Variants in ATP10B observed in about 807,000 individuals in gnomAD.
ATP10B encodes ATPase phospholipid transporting 10B (putative), also known as phospholipid-transporting ATPase VB.
A neutral mutation model predicts 141.2 loss-of-function variants in ATP10B; 122 were observed. The ratio of observed to expected loss-of-function variants is 0.86; its 90% confidence interval spans 0.75 to 1.00. The LOEUF (loss-of-function observed/expected upper bound fraction) is 1.00, where lower values mean the gene tolerates loss of function less well. Among genes scored for constraint, ATP10B ranks in the 50% least tolerant of loss-of-function variants. ATP10B has a pLI of 0.00. For synonymous variants in ATP10B, 685 were observed against 692.0 expected, an observed-to-expected ratio of 0.99 and a Z score of 0.16; for missense variants, 1,876 against 1,825.3, an observed-to-expected ratio of 1.03 and a Z score of -0.51.
At chr5:160,870,551 C>T in the ATP10B span, among the ~76,000 whole-genome samples, 2 of 151,982 alleles carry the variant, frequency 1.3e-5, 1 homozygote, top group South Asian at 4.1e-4. Context: ...AAACTAAAAA[C>T]TTCAGAGCAG....
intron 6 of ATP10B, among the ~76,000 whole-genome samples, chr5:160,680,653 C>A (rs555804446): frequency 6.7e-6 from 1 of 150,226 alleles, no homozygotes; most frequent in Non-Finnish European, 1.5e-5. Context: ...CTGCTGGAAA[C>A]TATCTTATTT....
chr5:160,732,612 A>G (rs1766824825), intron 2 of ATP10B, among the ~76,000 whole-genome samples: 1 of 152,102 alleles, frequency 6.6e-6, no homozygotes, highest in South Asian at 2.1e-4. Flanking sequence ...GGTTGTAAAT[A>G]TGCTGATTTA....
rs1162763146 is a variant in ATP10B, at chr5:160,685,344, C to A, written c.470+735G>T. On this transcript the variant is annotated intron_variant, in intron 6 of 25. Coordinates refer to ENST00000327245, the MANE Select transcript of ATP10B (RefSeq NM_025153.3). ...TAAAAATGAAAAGCCAGGCTGCAAA[C>A]CCCAGGGGAGAAACATGACAAGGAA... 7.0e-6 allele frequency: 4 copies of A among 568,916 alleles called. No individual in the cohort carries two copies. The South Asian group carries it at 9.6e-5, about 14-fold the overall frequency. 35.2% of individuals were successfully genotyped at this position (568,916 alleles called of 1,614,324 possible). A position where few individuals can be genotyped will look rare whatever the true frequency, so the allele number is the denominator to read the frequency against.
intron 17 of ATP10B, among the ~76,000 whole-genome samples, chr5:160,615,243 C>G (rs76588833): frequency 3.9e-5 from 6 of 152,202 alleles, no homozygotes; most frequent in African/African-American, 1.4e-4. Flanking sequence ...TGTTTCCCCC[C>G]AGCCCGGGAC....
intron 2 of ATP10B, among the ~76,000 whole-genome samples, chr5:160,760,648 C>G (rs1768962255): frequency 6.6e-6 from 1 of 152,234 alleles, no homozygotes; most frequent in Non-Finnish European, 1.5e-5. Flanking sequence ...TGCTTGCCAG[C>G]TGCTTGGATA....
intron 2 of ATP10B, among the ~76,000 whole-genome samples, chr5:160,766,246 C>T (rs1171791341): frequency 6.6e-6 from 1 of 151,556 alleles, no homozygotes; most frequent in African/African-American, 2.4e-5. Context: ...GAAAAAGACA[C>T]TTGCACATCC....
At chr5:160,834,046 T>A (rs1400553339) in intron 1 of ATP10B, among the ~76,000 whole-genome samples, 1 of 152,032 alleles carries the variant, frequency 6.6e-6, no homozygotes, top group African/African-American at 2.4e-5. Context: ...ACCAAAAGGC[T>A]GTGCATGGTG....
chr5:160,571,811 G>A (rs903637297), intron 24 of ATP10B, among the ~76,000 whole-genome samples: 1 of 152,292 alleles, frequency 6.6e-6, no homozygotes, highest in Non-Finnish European at 1.5e-5. Flanking sequence ...TGTACCTGAG[G>A]CCAGTCTGTG....
chr5:160,840,610 G>A lies in ATP10B; in HGVS notation c.-576+11331C>T, dbSNP rs560777880. On this transcript the variant is annotated intron_variant, in intron 1 of 25. Coordinates refer to ENST00000327245, the MANE Select transcript of ATP10B (RefSeq NM_025153.3). ...TGTAACTTTACTGCAAGAAAATATT[G>A]GTGAGTTCCCCTATATTCTAGGTTT... is the stretch of plus-strand genomic sequence containing the variant. Among the ~76,000 whole-genome samples, 3 of 152,066 alleles carry A rather than the reference G, an allele frequency of 2.0e-5. No homozygotes were observed. In the South Asian group the frequency reaches 6.2e-4, roughly 32 times the overall value.
intron 1 of ATP10B, among the ~76,000 whole-genome samples, chr5:160,842,350 A>G (rs1295753175): frequency 6.6e-6 from 1 of 152,192 alleles, no homozygotes; most frequent in East Asian, 1.9e-4. Context: ...GGGAAACGAT[A>G]GCCTTAAATG....
rs187119013 is a variant in ATP10B, at chr5:160,832,040, G to A, written c.-576+19901C>T. Among the ~76,000 whole-genome samples the A allele has an allele frequency of 3.9e-5, 6 of 152,180 alleles. No individual in the cohort carries two copies. The East Asian group carries it at 1.2e-3, about 29-fold the overall frequency. The stretch of plus-strand genomic sequence containing the variant: ...AAGCCAGTTTGCTTCTCTGGTCTTA[G>A]GCCTTTGTTCAAGGGGTCAAATAGC... On this transcript the variant is annotated intron_variant, in intron 1 of 25. Transcript: ENST00000327245.
intron 1 of ATP10B, among the ~76,000 whole-genome samples, chr5:160,821,720 T>C (rs138978027): frequency 4.6e-5 from 7 of 152,150 alleles, no homozygotes; most frequent in African/African-American, 1.7e-4. Flanking sequence ...TATAGTGAAC[T>C]AAGTTTTGGG....
intron 24 of ATP10B, among the ~76,000 whole-genome samples, chr5:160,589,372 A>G (rs1198771937): frequency 6.6e-6 from 1 of 152,178 alleles, no homozygotes; most frequent in East Asian, 1.9e-4. Context: ...TTGTTTTAAT[A>G]TATGTTAGTT....
At chr5:160,828,518 C>T (rs1347175585) in intron 1 of ATP10B, among the ~76,000 whole-genome samples, 1 of 151,984 alleles carries the variant, frequency 6.6e-6, no homozygotes, top group Non-Finnish European at 1.5e-5. Flanking sequence ...TACCATCTCA[C>T]ACCAGTTAGA....
chr5:160,853,952 TG>T (rs558803317), upstream of ATP10B, among the ~76,000 whole-genome samples: 227 of 152,304 alleles, frequency 1.5e-3, 1 homozygote, highest in Middle Eastern at 3.4e-3. Flanking sequence ...TTAGCATTTT[TG>T]TATGTATTTG....
At chr5:160,703,216 G>A (rs184038337) in intron 3 of ATP10B, among the ~76,000 whole-genome samples, 25 of 152,072 alleles carry the variant, frequency 1.6e-4, no homozygotes, top group Non-Finnish European at 2.8e-4. Context: ...GGCGTAACTC[G>A]GAGACTGTGG....
At chr5:160,648,263 G>A (rs1760440603) in intron 8 of ATP10B, among the ~76,000 whole-genome samples, 1 of 152,080 alleles carries the variant, frequency 6.6e-6, no homozygotes, top group Admixed American at 6.5e-5. Flanking sequence ...TGTGGCCCAG[G>A]GTGGCTTTGA....
chr5:160,679,720 T>G (rs1468784212), intron 6 of ATP10B, among the ~76,000 whole-genome samples: 1 of 152,210 alleles, frequency 6.6e-6, no homozygotes, highest in Non-Finnish European at 1.5e-5. Context: ...GAATTAAAAT[T>G]TGCTGAATAG....
At chr5:160,743,342 C>T (rs372240417) in intron 2 of ATP10B, among the ~76,000 whole-genome samples, 17 of 152,214 alleles carry the variant, frequency 1.1e-4, no homozygotes, top group East Asian at 3.9e-4. Flanking sequence ...GACAGGAAAA[C>T]GACAATTTAA....
Sources: gnomAD v4.1 joint callset for allele counts (sites outside exome capture counted in the v4.1 genomes callset) on GRCh38, gnomAD v4.1.1 for gene constraint, MANE v1.5 for transcripts, NCBI Gene and HGNC (gene_info 2026-07-23, HGNC 2026-07-21) for gene names.